The following FTCDNL1 variants were observed in gnomAD, a reference collection of about 807,000 sequenced individuals.
FTCDNL1 encodes formiminotransferase cyclodeaminase N-terminal like.
Under a neutral mutation model 5.9 loss-of-function variants are expected in FTCDNL1, and 11 were observed. The ratio of observed to expected loss-of-function variants is 1.87; its 90% CI spans 1.18 to 3.10. The LOEUF is 3.10. FTCDNL1 is among the 30% of genes most tolerant of loss of function. FTCDNL1 has a pLI of 0.00. For synonymous variants in FTCDNL1, 58 were observed against 24.8 expected, an observed-to-expected ratio of 2.34 and a Z score of -3.99; for missense variants, 115 against 65.5, an observed-to-expected ratio of 1.76 and a Z score of -2.61.
At chr2:199,824,256 C>A (rs1419579505) in intron 3 of FTCDNL1, among the ~76,000 whole-genome samples, 1 of 152,216 alleles carries the variant, frequency 6.6e-6, no homozygotes, top group African/African-American at 2.4e-5. Context: ...CCAACCTCTG[C>A]TAGATTCCAA....
In FTCDNL1 at chr2:199,819,759, T is replaced by C; in HGVS notation, c.212-2A>G. Reference sequence around the variant, plus strand: ...GCAGCACCAGATCCTCAGCAAGGCCTGTGGCAGAGGGAATTTTAACCAAAG... The same window carrying C: ...GCAGCACCAGATCCTCAGCAAGGCCCGTGGCAGAGGGAATTTTAACCAAAG... On this transcript the variant is annotated splice_acceptor_variant, in intron 3 of 4. Transcript: ENST00000420128. LOFTEE classifies it high-confidence loss of function. 2.9e-6 allele frequency: 2 copies of C among 688,222 alleles called. No individual in the cohort carries two copies. Among genetic ancestry groups the C allele is most frequent in the Non-Finnish European group, 5.3e-6 (2 of 376,440 alleles). 42.6% of individuals were successfully genotyped at this position (688,222 alleles called of 1,614,324 possible).
the FTCDNL1 span, among the ~76,000 whole-genome samples, chr2:199,668,731 A>T: frequency 6.6e-6 from 1 of 152,208 alleles, no homozygotes. Flanking sequence ...TTTCTGAAGT[A>T]GTCGTGAGTA....
chr2:199,690,360 G>A, the FTCDNL1 span, among the ~76,000 whole-genome samples: 2 of 152,306 alleles, frequency 1.3e-5, no homozygotes, highest in African/African-American at 4.8e-5. Context: ...ACACCTGAGA[G>A]TAGAGCTTAG....
chr2:199,760,973 G>A lies in FTCDNL1; in HGVS notation c.212-138C>T. The A allele has an allele frequency of 6.0e-6, 4 of 672,260 alleles. No individual in the cohort carries two copies. In the Admixed American group the frequency reaches 8.2e-5, roughly 14 times the overall value. 41.6% of individuals were successfully genotyped at this position (672,260 alleles called of 1,614,324 possible). On this transcript the variant is annotated intron_variant, in intron 3 of 3. Transcript: ENST00000416668. The stretch of plus-strand genomic sequence containing the variant: ...AGCTACCTGGCAGCTGTCTTCCAAG[G>A]CTTCACGTTCTCTGGGTTCTGGTGA...
intron 3 of FTCDNL1, among the ~76,000 whole-genome samples, chr2:199,783,514 G>C (rs1184608039): frequency 6.6e-6 from 1 of 152,098 alleles, no homozygotes; most frequent in African/African-American, 2.4e-5. Context: ...AAGCTTCCTA[G>C]AGCTTAGGTA....
chr2:199,787,530 G>C (rs1297558736), intron 3 of FTCDNL1, among the ~76,000 whole-genome samples: 1 of 152,058 alleles, frequency 6.6e-6, no homozygotes, highest in East Asian at 1.9e-4. Context: ...ATATTCACAG[G>C]TTCTCGGGAT....
chr2:199,761,249 G>A (rs1388217729), intron 3 of FTCDNL1, among the ~76,000 whole-genome samples: 1 of 152,188 alleles, frequency 6.6e-6, no homozygotes, highest in Non-Finnish European at 1.5e-5. Context: ...GGCCACATCA[G>A]GTCCTGCACA....
At chr2:199,695,998 A>T in the FTCDNL1 span, among the ~76,000 whole-genome samples, 1 of 152,308 alleles carries the variant, frequency 6.6e-6, no homozygotes, top group Non-Finnish European at 1.5e-5. Context: ...CCTGCTTACA[A>T]CACAGCCTCA....
At chr2:199,676,405 G>A in the FTCDNL1 span, among the ~76,000 whole-genome samples, 7 of 151,836 alleles carry the variant, frequency 4.6e-5, no homozygotes, top group African/African-American at 1.7e-4. Context: ...AGCTCTGGGA[G>A]GTTTCATATA....
At chr2:199,698,332 A>T in the FTCDNL1 span, among the ~76,000 whole-genome samples, 3 of 152,180 alleles carry the variant, frequency 2.0e-5, no homozygotes, top group African/African-American at 7.2e-5. Flanking sequence ...CAGAATATAA[A>T]TTCTTCTCAG....
chr2:199,694,501 T>A, the FTCDNL1 span, among the ~76,000 whole-genome samples: 4 of 152,148 alleles, frequency 2.6e-5, no homozygotes. Flanking sequence ...AGCTATTGCT[T>A]CAATAATGCT....
At chr2:199,775,000 A>C (rs1212630392) in intron 3 of FTCDNL1, among the ~76,000 whole-genome samples, 3 of 152,208 alleles carry the variant, frequency 2.0e-5, no homozygotes, top group Non-Finnish European at 4.4e-5. Context: ...TTCTACTGCT[A>C]TCCCATCCCT....
intron 3 of FTCDNL1, among the ~76,000 whole-genome samples, chr2:199,835,976 CCTAGG>C (rs1702709771): frequency 6.6e-6 from 1 of 152,090 alleles, no homozygotes; most frequent in Admixed American, 6.5e-5. Context: ...AGACCTTTTA[CCTAGG>C]TGAAGTGGTT....
chr2:199,750,326 C>A, the FTCDNL1 span, among the ~76,000 whole-genome samples: 1 of 150,228 alleles, frequency 6.7e-6, no homozygotes, highest in East Asian at 2.0e-4. Context: ...CCACTACGCT[C>A]CAGCCTGGGT....
At chr2:199,713,280 G>A in the FTCDNL1 span, among the ~76,000 whole-genome samples, 1 of 152,104 alleles carries the variant, frequency 6.6e-6, no homozygotes, top group Non-Finnish European at 1.5e-5. Context: ...CCTACTGCAT[G>A]AAAACCTAAA....
chr2:199,782,471 AG>A (rs1466129507), intron 3 of FTCDNL1, among the ~76,000 whole-genome samples: 2 of 152,122 alleles, frequency 1.3e-5, no homozygotes, highest in Admixed American at 6.5e-5. Context: ...ATTTTGATTG[AG>A]GGGGAAAGTT....
At chr2:199,700,634 A>G in the FTCDNL1 span, among the ~76,000 whole-genome samples, 8 of 152,228 alleles carry the variant, frequency 5.3e-5, no homozygotes, top group Non-Finnish European at 7.3e-5. Context: ...ACACTATTCA[A>G]CTTCAACCTA....
downstream of FTCDNL1, among the ~76,000 whole-genome samples, chr2:199,806,686 A>G (rs751119859): frequency 1.2e-4 from 19 of 152,136 alleles, no homozygotes; most frequent in Admixed American, 7.2e-4. Context: ...CCCTCTCCCA[A>G]TGTTTAAATA....
At chr2:199,671,063 A>G in the FTCDNL1 span, among the ~76,000 whole-genome samples, 8 of 152,124 alleles carry the variant, frequency 5.3e-5, no homozygotes, top group Non-Finnish European at 7.4e-5. Flanking sequence ...GTTTCCATAA[A>G]TGGCAAGTGT....
Sources: gnomAD v4.1 joint callset for allele counts (sites outside exome capture counted in the v4.1 genomes callset) on GRCh38, gnomAD v4.1.1 for gene constraint, MANE v1.5 for transcripts, NCBI Gene and HGNC (gene_info 2026-07-23, HGNC 2026-07-21) for gene names.